Variants in RERE observed in about 807,000 individuals in gnomAD.
RERE encodes the protein arginine-glutamic acid dipeptide repeats.
In RERE, 40 loss-of-function variants were observed where a neutral mutation model predicts 146.1. The ratio of observed to expected loss-of-function variants is 0.27; its 90% CI spans 0.21 to 0.36. The LOEUF (loss-of-function observed/expected upper bound fraction) is 0.36, where lower values mean the gene tolerates loss of function less well. Among genes scored for constraint, RERE ranks in the 10% least tolerant of loss-of-function variants. The pLI, the probability that RERE is intolerant of heterozygous loss-of-function variation, is 1.00. For synonymous variants in RERE, 1,003 were observed against 866.0 expected (o/e 1.16, Z -2.78); for missense variants, 1,933 against 2,138.7 (o/e 0.90, Z 1.90).
chr1:8,384,280 C>G (rs1468274942), intron 12 of RERE, among the ~76,000 whole-genome samples: 1 of 152,194 alleles, frequency 6.6e-6, no homozygotes, highest in Non-Finnish European at 1.5e-5. Context: ...TCATGCGCAT[C>G]CTGTTCCTGC....
intron 4 of RERE, among the ~76,000 whole-genome samples, chr1:8,599,606 TACTG>T: frequency 6.6e-6 from 1 of 152,286 alleles, no homozygotes; most frequent in South Asian, 2.1e-4. Context: ...ATTCACCGGC[TACTG>T]ACTAATTTTA....
In RERE at chr1:8,692,108, T is replaced by C. The variant is rs572038527; in HGVS notation, c.-144-35667A>G. The stretch of plus-strand genomic sequence containing the variant: ...GACCTTAGCAGAATGGGTTTATTTC[T>C]AAAAACTGAAAAGCATCCCTTTGTT... On this transcript the variant is annotated intron_variant, in intron 1 of 22. Transcript: ENST00000400908. Among the ~76,000 whole-genome samples the C allele has an allele frequency of 1.5e-4, 23 of 152,336 alleles. No individual in the cohort carries two copies. The South Asian group carries it at 4.8e-3, about 32-fold the overall frequency.
chr1:8,475,111 C>T (rs1257814698), intron 10 of RERE, among the ~76,000 whole-genome samples: 1 of 152,214 alleles, frequency 6.6e-6, no homozygotes, highest in East Asian at 1.9e-4. Flanking sequence ...CAGTGGCTTA[C>T]ACCTGTAATC....
intron 1 of RERE, among the ~76,000 whole-genome samples, chr1:8,785,631 C>CT (rs1439151900): frequency 6.6e-6 from 1 of 151,690 alleles, no homozygotes; most frequent in South Asian, 2.1e-4. Context: ...CCTTGAGCTG[C>CT]TTTTTTTTGA....
chr1:8,648,154 T>G (rs1211265449), intron 2 of RERE, among the ~76,000 whole-genome samples: 1 of 152,202 alleles, frequency 6.6e-6, no homozygotes, highest in Admixed American at 6.5e-5. Flanking sequence ...TAGTTGTGGC[T>G]GTTTTAAAAT....
At position 8,372,054 on chromosome 1, in the gene RERE, T is replaced by C. The variant is rs1355754777; in HGVS notation, c.1285-6080A>G. ...AGTGGAATGCTACGGGAAGAGAACC[T>C]GTAACCTGTCCTGTGATAAGCCACA... is the stretch of plus-strand genomic sequence containing the variant. On this transcript the variant is annotated intron_variant, in intron 12 of 22. Coordinates refer to ENST00000400908, the MANE Select transcript of RERE (RefSeq NM_001042681.2). Among the ~76,000 whole-genome samples the C allele has an allele frequency of 2.8e-4, 42 of 152,192 alleles. 1 individual carries two copies. The highest frequency in any genetic ancestry group is 2.7e-3 in the Admixed American group (42 of 15,286).
At position 8,701,907 on chromosome 1, in the gene RERE, G is replaced by T. The variant is rs1639459505; in HGVS notation, c.-144-45466C>A. 2.0e-5 allele frequency among the ~76,000 whole-genome samples: 3 copies of T among 152,264 alleles called. No homozygotes were observed. The South Asian group carries it at 6.2e-4, about 32-fold the overall frequency. On this transcript the variant is annotated intron_variant, in intron 1 of 22. Transcript: ENST00000400908. ...CTAGGCAATGTAAATATTCAGAAAG[G>T]CAACTGCCTCTCAGAGCCCAAGTCT...
chr1:8,499,334 T>C (rs551334639), intron 8 of RERE, among the ~76,000 whole-genome samples: 1 of 152,310 alleles, frequency 6.6e-6, no homozygotes, highest in East Asian at 1.9e-4. Context: ...TTAAACAAAA[T>C]GCCATATCCC....
chr1:8,415,734 C>T (rs1202509425), intron 12 of RERE, among the ~76,000 whole-genome samples: 2 of 152,254 alleles, frequency 1.3e-5, no homozygotes, highest in African/African-American at 4.8e-5. Context: ...TGGACCACTG[C>T]CCAGGCAAAT....
intron 1 of RERE, chr1:8,787,018 C>G: frequency 1.7e-6 from 1 of 575,822 alleles, no homozygotes; most frequent in Non-Finnish European, 3.1e-6. Context: ...GATTCTGTCA[C>G]ACACACCTGA....
intron 2 of RERE, among the ~76,000 whole-genome samples, chr1:8,643,911 C>T (rs909570573): frequency 1.3e-5 from 2 of 152,178 alleles, no homozygotes; most frequent in African/African-American, 4.8e-5. Context: ...TACAATCCCA[C>T]ATTATACCAT....
At chr1:8,483,774 G>T (rs1270293000) in intron 10 of RERE, among the ~76,000 whole-genome samples, 2 of 152,192 alleles carry the variant, frequency 1.3e-5, no homozygotes, top group Non-Finnish European at 2.9e-5. Flanking sequence ...TTTGCTGAAG[G>T]AGATGTGGGT....
At chr1:8,514,680 G>A (rs1645389556) in intron 7 of RERE, among the ~76,000 whole-genome samples, 1 of 151,442 alleles carries the variant, frequency 6.6e-6, no homozygotes, top group South Asian at 2.1e-4. Context: ...GTGAGCTGAG[G>A]TCACACCATT....
chr1:8,726,363 C>T (rs956582041), intron 1 of RERE, among the ~76,000 whole-genome samples: 3 of 152,006 alleles, frequency 2.0e-5, no homozygotes, highest in Admixed American at 2.0e-4. Context: ...CCATGTTGGT[C>T]AGGCTGGTCT....
chr1:8,719,591 C>T (rs1305932220), intron 1 of RERE, among the ~76,000 whole-genome samples: 1 of 152,102 alleles, frequency 6.6e-6, no homozygotes, highest in Non-Finnish European at 1.5e-5. Context: ...GAGATTTGCC[C>T]TCTGCTTAAT....
At chr1:8,557,347 T>C in intron 5 of RERE, 71 bp downstream of exon 5, 1 of 1,024,086 alleles carries the variant, frequency 9.8e-7, no homozygotes. Flanking sequence ...CTTCATTTAA[T>C]GAAATGTCTT....
chr1:8,670,980 A>G (rs1265587029), intron 1 of RERE, among the ~76,000 whole-genome samples: 1 of 152,196 alleles, frequency 6.6e-6, no homozygotes, highest in African/African-American at 2.4e-5. Context: ...TGGTGTGAGA[A>G]AAAAGGAGGC....
chr1:8,365,091 T>C (rs543964551), intron 13 of RERE, among the ~76,000 whole-genome samples: 145 of 152,342 alleles, frequency 9.5e-4, no homozygotes, highest in Non-Finnish European at 1.6e-3. Flanking sequence ...GGGCCTGCCC[T>C]GCCACTGATG....
At chr1:8,696,238 C>T (rs1639326953) in intron 1 of RERE, among the ~76,000 whole-genome samples, 1 of 152,152 alleles carries the variant, frequency 6.6e-6, no homozygotes, top group African/African-American at 2.4e-5. Context: ...CACATGCACT[C>T]GTATGTTCAT....
Sources: gnomAD v4.1 joint callset for allele counts (sites outside exome capture counted in the v4.1 genomes callset) on GRCh38, gnomAD v4.1.1 for gene constraint, MANE v1.5 for transcripts, NCBI Gene and HGNC (gene_info 2026-07-23, HGNC 2026-07-21) for gene names.